Variants in NMU observed in about 807,000 individuals in gnomAD.
The protein encoded by NMU is neuromedin-U.
In NMU, 29 loss-of-function variants were observed where a neutral mutation model predicts 35.4. The ratio of observed to expected loss-of-function variants is 0.82; its 90% CI spans 0.61 to 1.12. The LOEUF (loss-of-function observed/expected upper bound fraction) is 1.12. Ranked by LOEUF, NMU falls within the 50% of genes most tolerant of loss-of-function variation. The probability of loss-of-function intolerance (pLI) is 0.00; values close to 1 mark genes in which losing one functional copy is unlikely to be tolerated. For missense variants in NMU, 199 were observed against 206.2 expected, an observed-to-expected ratio of 0.97 and a Z score of 0.21; for synonymous variants, 78 against 81.3, an observed-to-expected ratio of 0.96 and a Z score of 0.22.
intron 2 of NMU, among the ~76,000 whole-genome samples, chr4:55,618,788 T>A (rs1461246377): frequency 6.7e-6 from 1 of 148,628 alleles, no homozygotes; most frequent in Non-Finnish European, 1.5e-5. Flanking sequence ...TCTTTCCCTT[T>A]CTTTCTTCTC....
intron 1 of NMU, among the ~76,000 whole-genome samples, chr4:55,635,574 G>A (rs1560529916): frequency 6.6e-6 from 1 of 152,180 alleles, no homozygotes; most frequent in Non-Finnish European, 1.5e-5. Flanking sequence ...GTACCGCTCA[G>A]GTTTATCTCA....
chr4:55,596,349 C>A (rs1256365420), intron 9 of NMU, among the ~76,000 whole-genome samples: 1 of 144,782 alleles, frequency 6.9e-6, no homozygotes, highest in Non-Finnish European at 1.5e-5. Flanking sequence ...AGCAATTATT[C>A]TCAATTTTGG....
intron 7 of NMU, among the ~76,000 whole-genome samples, chr4:55,603,943 ATATG>A (rs1733542955): frequency 7.1e-6 from 1 of 140,278 alleles, no homozygotes; most frequent in East Asian, 2.0e-4. Flanking sequence ...ATATATATAT[ATATG>A]TATATATGTG....
intron 2 of NMU, among the ~76,000 whole-genome samples, chr4:55,618,375 C>A (rs1255114591): frequency 6.6e-6 from 1 of 152,018 alleles, no homozygotes; most frequent in South Asian, 2.1e-4. Flanking sequence ...CCCTTGCCCC[C>A]CAACACCCCC....
chr4:55,596,886 A>G (rs566563076), intron 9 of NMU, among the ~76,000 whole-genome samples: 3 of 152,328 alleles, frequency 2.0e-5, no homozygotes, highest in African/African-American at 7.2e-5. Flanking sequence ...CAGCTACTGT[A>G]CTAACTTGGT....
intron 2 of NMU, among the ~76,000 whole-genome samples, chr4:55,616,769 C>G (rs1266558788): frequency 6.6e-6 from 1 of 152,126 alleles, no homozygotes; most frequent in Non-Finnish European, 1.5e-5. Flanking sequence ...CTTTATGACA[C>G]ATGAACCTAA....
intron 3 of NMU, among the ~76,000 whole-genome samples, chr4:55,611,230 G>A (rs934698370): frequency 6.6e-6 from 1 of 152,070 alleles, no homozygotes; most frequent in African/African-American, 2.4e-5. Flanking sequence ...AGGTGTGGTG[G>A]TGCATGCCTG....
rs781745391 is a variant in NMU, at chr4:55,600,564, T to C, written c.447A>G (p.Gln149=). 34 of 1,609,530 alleles carry C rather than the reference T, an allele frequency of 2.1e-5. No homozygotes were observed. The East Asian group carries it at 6.9e-4, about 33-fold the overall frequency. The stretch of plus-strand genomic sequence containing the variant: ...CTCGACTTTGACTTGCAAAGGGACT[T>C]TGGAATTCTTCCTAGAAGAGAAAAT... ...MKRFRVDEEF[Q]SPFASQSRGY... Residue 149 remains glutamine, a synonymous_variant, in exon 8 of 10, where the codon CAA becomes CAG. Coordinates refer to ENST00000264218, the MANE Select transcript of NMU (RefSeq NM_006681.4).
Position 55,605,146 on chromosome 4 carries a change from T to G in NMU, c.435+129A>C. The G allele has an allele frequency of 1.1e-5, 8 of 751,294 alleles. No homozygotes were observed. In the South Asian group the frequency reaches 1.1e-4, roughly 11 times the overall value. 46.5% of individuals were successfully genotyped at this position (751,294 alleles called of 1,614,324 possible). A position where few individuals can be genotyped will look rare whatever the true frequency, so the allele number is the denominator to read the frequency against. On this transcript the variant is annotated intron_variant, in intron 7 of 9. Coordinates refer to ENST00000264218, the MANE Select transcript of NMU (RefSeq NM_006681.4). ...AGTCTACAAACAGATGCTCTTACATTGGCTAACTGGGTATTAGTGTGGGCT... is the reference window on the plus strand; with the variant it reads ...AGTCTACAAACAGATGCTCTTACATGGGCTAACTGGGTATTAGTGTGGGCT...
rs749698609 is a variant in NMU at position 55,605,283 on chromosome 4, T to G, written c.427A>C (p.Arg143=). The change falls in exon 7 of 10, where the codon AGA becomes CGA. Residue 143 remains arginine (R), a synonymous_variant. Coordinates refer to ENST00000264218, the MANE Select transcript of NMU (RefSeq NM_006681.4). ...CAGTTTGTATTACATACGTCCACTC[T>G]GAATCTCTTCATTCTTCTCTCATGC... is the stretch of plus-strand genomic sequence containing the variant. ...HLHERRMKRF[R]VDEEFQSPFA... The G allele has an allele frequency of 3.1e-6, 5 of 1,611,322 alleles. No homozygotes were observed. The highest frequency in any genetic ancestry group is 3.4e-6 in the Non-Finnish European group (4 of 1,177,362).
Position 55,599,122 on chromosome 4 carries a change from T to C in NMU, c.*4+20A>G. On this transcript the variant is annotated intron_variant, in intron 9 of 9. Coordinates refer to ENST00000264218, the MANE Select transcript of NMU (RefSeq NM_006681.4). ...GCATACTATTTTATTTATTTATTTG[T>C]TTATTTATTTCTCACATACCATTTT... 1 of 1,532,230 alleles carries C rather than the reference T, an allele frequency of 6.5e-7. No individual in the cohort carries two copies. The highest frequency in any genetic ancestry group is 9.0e-7 in the Non-Finnish European group (1 of 1,109,304). 94.9% of individuals were successfully genotyped at this position (1,532,230 alleles called of 1,614,324 possible).
intron 3 of NMU, among the ~76,000 whole-genome samples, chr4:55,613,669 C>T (rs1219898231): frequency 2.0e-5 from 3 of 152,084 alleles, no homozygotes; most frequent in African/African-American, 4.8e-5. Context: ...AGTGTGGCCC[C>T]CCACATTGAC....
intron 2 of NMU, 59 bp downstream of exon 2, chr4:55,630,343 C>A: frequency 5.8e-6 from 7 of 1,216,934 alleles, no homozygotes; most frequent in Non-Finnish European, 8.5e-6. Context: ...TACATTTTAA[C>A]ATGATAATTT....
At chr4:55,636,486 C>A, upstream of NMU, 1 of 380,398 alleles carries the variant, frequency 2.6e-6, no homozygotes, top group Admixed American at 4.8e-5. The surrounding 1 kb of genome is among the most constrained non-coding windows in gnomAD (Gnocchi z 4.0). Flanking sequence ...GACCCGAGTA[C>A]CACGCATTTT....
intron 7 of NMU, among the ~76,000 whole-genome samples, chr4:55,604,070 C>CT (rs374723614): frequency 0.96 from 67,099 of 69,686 alleles, 32,500 homozygotes; most frequent in East Asian, 0.99. Context: ...GATTTTTTTT[C>CT]TTTTTTTTTT....
At chr4:55,628,470 T>C (rs1486931340) in intron 2 of NMU, among the ~76,000 whole-genome samples, 1 of 126,862 alleles carries the variant, frequency 7.9e-6, no homozygotes, top group Non-Finnish European at 1.6e-5. Flanking sequence ...CCTTTTAAAA[T>C]TTATTTCTGC....
chr4:55,600,495 T>C (rs1298787593), intron 8 of NMU, 27 bp downstream of exon 8: 4 of 1,494,354 alleles, frequency 2.7e-6, no homozygotes, highest in Non-Finnish European at 2.8e-6. Context: ...TGTAGATTGA[T>C]TTTTTAAAAA....
chr4:55,601,676 G>C (rs1303071048), intron 7 of NMU, among the ~76,000 whole-genome samples: 1 of 152,046 alleles, frequency 6.6e-6, no homozygotes, highest in Non-Finnish European at 1.5e-5. Flanking sequence ...TAAACCATAT[G>C]TTTATATACC....
intron 9 of NMU, among the ~76,000 whole-genome samples, chr4:55,596,395 A>T (rs1457749144): frequency 6.6e-6 from 1 of 150,694 alleles, no homozygotes. Context: ...TCACCAAATC[A>T]TGGATTAAGT....
Sources: gnomAD v4.1 joint callset for allele counts (sites outside exome capture counted in the v4.1 genomes callset) on GRCh38, gnomAD v4.1.1 for gene constraint, Gnocchi (gnomAD v3.1) non-coding constraint, MANE v1.5 for transcripts, NCBI Gene and HGNC (gene_info 2026-07-23, HGNC 2026-07-21) for gene names.